Variants in SLC39A11 observed in about 807,000 individuals in gnomAD.
SLC39A11 encodes solute carrier family 39 member 11.
In SLC39A11, 33 loss-of-function variants were observed where a neutral mutation model predicts 36.1. The ratio of observed to expected loss-of-function variants is 0.91; its 90% CI spans 0.69 to 1.22. The LOEUF (loss-of-function observed/expected upper bound fraction) is 1.22. Among genes scored for constraint, SLC39A11 ranks in the 50% most tolerant of loss-of-function variants. SLC39A11 has a pLI of 0.00. For synonymous variants in SLC39A11, 166 were observed against 170.3 expected (o/e 0.97, Z 0.20); for missense variants, 432 against 430.3 (o/e 1.00, Z -0.03).
At chr17:72,670,370 CA>C (rs71154904) in intron 7 of SLC39A11, among the ~76,000 whole-genome samples, 4,127 of 136,454 alleles carry the variant, frequency 0.03, 142 homozygotes, top group African/African-American at 0.079. Context: ...GACCCTGTCT[CA>C]AAAAAAAAAA....
intron 6 of SLC39A11, among the ~76,000 whole-genome samples, chr17:72,830,240 C>A (rs1256075076): frequency 6.6e-6 from 1 of 152,222 alleles, no homozygotes; most frequent in African/African-American, 2.4e-5. Flanking sequence ...ATATCGCCCC[C>A]TCCAATTCTT....
intron 3 of SLC39A11, among the ~76,000 whole-genome samples, chr17:73,036,098 T>G (rs894622399): frequency 2.6e-5 from 4 of 152,150 alleles, no homozygotes; most frequent in Non-Finnish European, 4.4e-5. Context: ...CTTGACTTTG[T>G]CCCAGTTAAA....
At chr17:72,867,325 C>A (rs1010777029) in intron 5 of SLC39A11, among the ~76,000 whole-genome samples, 1 of 152,052 alleles carries the variant, frequency 6.6e-6, no homozygotes, top group African/African-American at 2.4e-5. Flanking sequence ...CATGGTGAAA[C>A]CCCGTCTCTA....
chr17:72,735,159 A>C (rs1367685505), intron 7 of SLC39A11, among the ~76,000 whole-genome samples: 1 of 152,148 alleles, frequency 6.6e-6, no homozygotes, highest in African/African-American at 2.4e-5. Context: ...TGAAGTTGAG[A>C]ATAAGAAAAG....
chr17:73,036,619 G>A (rs971432125), intron 3 of SLC39A11, among the ~76,000 whole-genome samples: 1 of 151,936 alleles, frequency 6.6e-6, no homozygotes, highest in African/African-American at 2.4e-5. Flanking sequence ...GCTCATTTTT[G>A]TACTTTTAGT....
chr17:72,926,818 A>G (rs1191404770), intron 5 of SLC39A11, among the ~76,000 whole-genome samples: 1 of 152,116 alleles, frequency 6.6e-6, no homozygotes, highest in Non-Finnish European at 1.5e-5. Flanking sequence ...AGGCACTGGT[A>G]GGCCTTAGTG....
Position 73,036,374 on chromosome 17 carries a change from T to C in SLC39A11, c.148-4660A>G, listed in dbSNP as rs150475513. Among the ~76,000 whole-genome samples, 678 of 152,306 alleles carry C rather than the reference T, an allele frequency of 4.5e-3. 8 individuals carry two copies. Among genetic ancestry groups the C allele is most frequent in the South Asian group, 0.012 (60 of 4,824 alleles). Reference sequence around the variant, plus strand: ...CATCACACCACAGTGGTACAATTGATACAGCTGATGAACCCACACTGATAT... The same window carrying C: ...CATCACACCACAGTGGTACAATTGACACAGCTGATGAACCCACACTGATAT... On this transcript the variant is annotated intron_variant, in intron 3 of 9. Transcript: ENST00000255559.
intron 6 of SLC39A11, among the ~76,000 whole-genome samples, chr17:72,784,422 A>G (rs1254923491): frequency 6.6e-6 from 1 of 152,128 alleles, no homozygotes; most frequent in Non-Finnish European, 1.5e-5. Context: ...CTAAGAAGAC[A>G]GGGGGTTTGA....
At chr17:72,920,829 C>G (rs903573454) in intron 5 of SLC39A11, among the ~76,000 whole-genome samples, 3 of 151,384 alleles carry the variant, frequency 2.0e-5, no homozygotes, top group Admixed American at 6.6e-5. Context: ...ATAACTACAC[C>G]CCATACAAAC....
intron 7 of SLC39A11, among the ~76,000 whole-genome samples, chr17:72,690,000 T>G (rs1262623253): frequency 1.3e-5 from 2 of 152,014 alleles, no homozygotes; most frequent in Non-Finnish European, 2.9e-5. Flanking sequence ...GAGCGCTGTG[T>G]GAGGGGATCA....
intron 2 of SLC39A11, among the ~76,000 whole-genome samples, chr17:73,085,366 C>T (rs1465688563): frequency 2.0e-5 from 3 of 151,652 alleles, no homozygotes; most frequent in African/African-American, 7.3e-5. Context: ...AAAAAATAGG[C>T]TGGGTGCAAG....
intron 6 of SLC39A11, among the ~76,000 whole-genome samples, chr17:72,740,093 C>T (rs1273442962): frequency 9.5e-6 from 1 of 105,048 alleles, no homozygotes; most frequent in Admixed American, 1.4e-4. Context: ...GATGGAGTCT[C>T]TCTCTGTCGC....
rs1568242696 is a variant in SLC39A11 at position 73,081,657 on chromosome 17, AC to A, written c.147+3150del. ...TACACACACACACACACACACACAC[AC>A]ACACACACACACATATATATACACA... On this transcript the variant is annotated intron_variant, in intron 3 of 9. Transcript: ENST00000255559. Among the ~76,000 whole-genome samples, 425 of 74,710 alleles carry A rather than the reference AC, an allele frequency of 5.7e-3. 12 individuals carry two copies. Among genetic ancestry groups the A allele is most frequent in the African/African-American group, 0.016 (392 of 24,506 alleles). The allele number at this position is 74,710 out of a possible 152,430, so 49.0% of individuals were successfully genotyped here.
rs2058422677 is a variant in SLC39A11 at position 73,023,419 on chromosome 17, T to C, written c.306+8137A>G. On this transcript the variant is annotated intron_variant, in intron 4 of 9. Coordinates refer to ENST00000255559, the MANE Select transcript of SLC39A11 (RefSeq NM_139177.4). ...ATCCCAACACTGTGGGATTCCAAGG[T>C]AGGAGGACTGCTTGAGCCCAAGAGT... Among the ~76,000 whole-genome samples, 3 of 152,064 alleles carry C rather than the reference T, an allele frequency of 2.0e-5. No homozygotes were observed. The South Asian group carries it at 6.2e-4, about 32-fold the overall frequency.
chr17:72,922,573 T>A (rs1273432397), intron 5 of SLC39A11, among the ~76,000 whole-genome samples: 2 of 152,170 alleles, frequency 1.3e-5, no homozygotes, highest in South Asian at 4.1e-4. Flanking sequence ...CTGGATGTCT[T>A]CACAAACAGG....
At chr17:72,838,928 C>T (rs1309740794) in intron 6 of SLC39A11, 3 of 152,162 alleles carry the variant, frequency 2.0e-5, no homozygotes, top group Non-Finnish European at 2.9e-5. Context: ...AGCACTCTCC[C>T]CCATTCCCTG....
intron 7 of SLC39A11, among the ~76,000 whole-genome samples, chr17:72,703,600 T>G (rs549097865): frequency 5.6e-4 from 85 of 152,302 alleles, no homozygotes; most frequent in Non-Finnish European, 1.1e-3. Context: ...TTTCTGATGA[T>G]CTGTTTCTCC....
intron 7 of SLC39A11, among the ~76,000 whole-genome samples, chr17:72,715,122 T>C (rs1187994963): frequency 6.6e-6 from 1 of 152,006 alleles, no homozygotes; most frequent in Non-Finnish European, 1.5e-5. Flanking sequence ...GCTGCATACA[T>C]CTCATGCACC....
At chr17:73,088,086 T>C (rs577537719) in intron 2 of SLC39A11, among the ~76,000 whole-genome samples, 1 of 152,026 alleles carries the variant, frequency 6.6e-6, no homozygotes, top group Non-Finnish European at 1.5e-5. Flanking sequence ...GGGTGGATCA[T>C]CTGAGGTCAG....
Sources: gnomAD v4.1 joint callset for allele counts (sites outside exome capture counted in the v4.1 genomes callset) on GRCh38, gnomAD v4.1.1 for gene constraint, MANE v1.5 for transcripts, NCBI Gene and HGNC (gene_info 2026-07-23, HGNC 2026-07-21) for gene names.